The following TAF4B variants were observed in gnomAD, a reference collection of about 807,000 sequenced individuals.
The protein encoded by TAF4B is TATA-box binding protein associated factor 4b.
TAF4B carries 38 observed loss-of-function variants against 86.4 expected under a neutral mutation model. That is an observed-to-expected ratio of 0.44 (90% CI 0.34 to 0.58). The LOEUF (loss-of-function observed/expected upper bound fraction) is 0.58. TAF4B is among the 20% of genes least tolerant of loss of function. TAF4B has a pLI of 0.02. For missense variants in TAF4B, 988 were observed against 1,027.6 expected (o/e 0.96, Z 0.53); for synonymous variants, 388 against 391.2 (o/e 0.99, Z 0.10).
chr18:26,234,760 A>G (rs1731472382), intron 1 of TAF4B, among the ~76,000 whole-genome samples: 1 of 152,220 alleles, frequency 6.6e-6, no homozygotes, highest in South Asian at 2.1e-4. Flanking sequence ...CTAGGAGAAA[A>G]GTAGCAGGGT....
At chr18:26,233,766 G>A (rs1192012893) in intron 1 of TAF4B, among the ~76,000 whole-genome samples, 1 of 152,160 alleles carries the variant, frequency 6.6e-6, no homozygotes, top group Non-Finnish European at 1.5e-5. Context: ...ATAAAGGTAT[G>A]AACACAGACC....
Position 26,256,196 on chromosome 18 carries a change from A to G in TAF4B, c.344-8974A>G, listed in dbSNP as rs865819591. 7.5e-5 allele frequency: 120 copies of G among 1,610,386 alleles called. No individual in the cohort carries two copies. The Admixed American group carries it at 9.8e-4, about 13-fold the overall frequency. On this transcript the variant is annotated intron_variant, in intron 1 of 14. Coordinates refer to ENST00000269142, the MANE Select transcript of TAF4B (RefSeq NM_005640.3). The stretch of plus-strand genomic sequence containing the variant: ...ATCTTTTCACAAGCAGGACACAGGC[A>G]TTGCAGATGTCTCCTGAAGGAGTCT...
chr18:26,273,716 A>C (rs2144562271), intron 3 of TAF4B, among the ~76,000 whole-genome samples: 1 of 152,286 alleles, frequency 6.6e-6, no homozygotes, highest in Admixed American at 6.5e-5. Context: ...TTTTACCCTC[A>C]GAACATTCTT....
intron 1 of TAF4B, among the ~76,000 whole-genome samples, chr18:26,257,842 CGTGTGTGTGTGTGTGTGT>C (rs57275139): frequency 1.9e-4 from 27 of 141,526 alleles, no homozygotes; most frequent in East Asian, 6.5e-4. Flanking sequence ...CCTCTGCGTG[CGTGTGTGTGTGTGTGTGT>C]GTGTGTGTGT....
intron 9 of TAF4B, among the ~76,000 whole-genome samples, chr18:26,301,881 T>G (rs895641486): frequency 6.6e-6 from 1 of 152,158 alleles, no homozygotes; most frequent in African/African-American, 2.4e-5. Flanking sequence ...AGCTGCTGGC[T>G]CTGTGGTTTC....
chr18:26,383,339 A>G (rs758300844), intron 14 of TAF4B, among the ~76,000 whole-genome samples: 2 of 152,208 alleles, frequency 1.3e-5, no homozygotes, highest in Non-Finnish European at 2.9e-5. Context: ...TAGGCAGAAG[A>G]TAATGGAAGT....
At position 26,376,104 on chromosome 18, in the gene TAF4B, A is replaced by C. The variant is rs564883575; in HGVS notation, c.2422-13741A>C. Among the ~76,000 whole-genome samples, 17 of 152,212 alleles carry C rather than the reference A, an allele frequency of 1.1e-4. No homozygotes were observed. In the East Asian group the frequency reaches 3.1e-3, roughly 28 times the overall value. On this transcript the variant is annotated intron_variant, in intron 14 of 14. Coordinates refer to ENST00000269142, the MANE Select transcript of TAF4B (RefSeq NM_005640.3). The stretch of plus-strand genomic sequence containing the variant: ...CCAGTACCACACTGTCTTGAGTACT[A>C]TAACTTTGTAGTAAGTTTTGAAATT...
intron 14 of TAF4B, among the ~76,000 whole-genome samples, chr18:26,369,568 T>C (rs930901288): frequency 6.6e-6 from 1 of 152,196 alleles, no homozygotes; most frequent in Non-Finnish European, 1.5e-5. Context: ...ATTCTTTTGC[T>C]TAGAAGATCA....
At chr18:26,244,464 T>G (rs575328846) in intron 1 of TAF4B, among the ~76,000 whole-genome samples, 1 of 152,194 alleles carries the variant, frequency 6.6e-6, no homozygotes, top group Non-Finnish European at 1.5e-5. Flanking sequence ...ATTTTCCAGG[T>G]ACTGTCTGTC....
intron 1 of TAF4B, among the ~76,000 whole-genome samples, chr18:26,239,728 A>C (rs570911124): frequency 2.0e-5 from 3 of 152,330 alleles, no homozygotes; most frequent in African/African-American, 7.2e-5. Context: ...TAGGTCTAAC[A>C]TTTAAGTCTT....
chr18:26,233,962 A>G (rs1300312884), intron 1 of TAF4B, among the ~76,000 whole-genome samples: 1 of 152,214 alleles, frequency 6.6e-6, no homozygotes, highest in Admixed American at 6.5e-5. Flanking sequence ...TTGGCCCTGT[A>G]AATAGGGATA....
At chr18:26,239,899 G>C (rs895410605) in intron 1 of TAF4B, among the ~76,000 whole-genome samples, 1 of 152,188 alleles carries the variant, frequency 6.6e-6, no homozygotes, top group Non-Finnish European at 1.5e-5. Flanking sequence ...GATGGTTGTA[G>C]ATGTGTGGTA....
Position 26,390,117 on chromosome 18 carries a change from A to T in TAF4B, c.*105A>T. On this transcript the variant is annotated 3_prime_UTR_variant, in exon 15 of 15. Transcript: ENST00000269142. ...CAATTTCTGGAAAATAATCACCAAC[A>T]TGAAAGAGCATTGTTTACAGTTAGA... 26 of 1,181,716 alleles carry T rather than the reference A, an allele frequency of 2.2e-5. No individual in the cohort carries two copies. Among genetic ancestry groups the T allele is most frequent in the Non-Finnish European group, 3.1e-5 (26 of 843,952 alleles). 73.2% of individuals were successfully genotyped at this position (1,181,716 alleles called of 1,614,324 possible).
chr18:26,367,666 C>T (rs1264328931), intron 14 of TAF4B, among the ~76,000 whole-genome samples: 1 of 152,174 alleles, frequency 6.6e-6, no homozygotes, highest in Non-Finnish European at 1.5e-5. Context: ...TTAGCCCAGT[C>T]AAGTTGGCAC....
Position 26,242,420 on chromosome 18 carries a change from C to T in TAF4B, c.343+15144C>T, listed in dbSNP as rs191638563. 4.9e-3 allele frequency among the ~76,000 whole-genome samples: 742 copies of T among 151,776 alleles called. 9 individuals are homozygous for T. The highest frequency in any genetic ancestry group is 0.017 in the African/African-American group (701 of 41,428). ...TAGGATTGCAACCCTTGCCTTTTTT[C>T]GTTTTCCATTTGCTTGGTAGATCTT... is the stretch of plus-strand genomic sequence containing the variant. On this transcript the variant is annotated intron_variant, in intron 1 of 14. Transcript: ENST00000269142.
intron 1 of TAF4B, among the ~76,000 whole-genome samples, chr18:26,251,311 A>G (rs1345789072): frequency 3.3e-5 from 5 of 152,200 alleles, no homozygotes; most frequent in African/African-American, 9.6e-5. Flanking sequence ...CATTCTGTAT[A>G]TGTATTAAAT....
intron 1 of TAF4B, among the ~76,000 whole-genome samples, chr18:26,235,479 A>G (rs189585510): frequency 6.6e-6 from 1 of 152,328 alleles, no homozygotes; most frequent in East Asian, 1.9e-4. Flanking sequence ...GATTAGCTAG[A>G]AAGTTCAAGA....
At position 26,227,090 on chromosome 18, in the gene TAF4B, T is replaced by C. The variant is rs2055588158; in HGVS notation, c.157T>C (p.Cys53Arg). 3.1e-6 allele frequency: 5 copies of C among 1,609,686 alleles called. No individual in the cohort carries two copies. In the South Asian group the frequency reaches 5.5e-5, roughly 18 times the overall value. The change falls in exon 1 of 15, where the codon TGC becomes CGC. Residue 53 changes from cysteine (C) to arginine (R), a missense_variant. By Grantham distance (180) the Cys-to-Arg change is radical. Transcript: ENST00000269142. ...GAVTKAPVSVCVEPTASQPLR... is the reference protein window; with the variant it reads ...GAVTKAPVSVRVEPTASQPLR... Reference sequence around the variant, plus strand: ...CGTGACTAAGGCTCCTGTCAGCGTCTGCGTGGAGCCCACGGCGTCCCAGCC... The same window carrying C: ...CGTGACTAAGGCTCCTGTCAGCGTCCGCGTGGAGCCCACGGCGTCCCAGCC...
Position 26,226,706 on chromosome 18 carries a change from C to T in TAF4B, c.-228C>T. 2.5e-6 allele frequency: 1 copy of T among 401,908 alleles called. No individual in the cohort carries two copies. Among genetic ancestry groups the T allele is most frequent in the Non-Finnish European group, 4.4e-6 (1 of 229,616 alleles). The allele number at this position is 401,908 out of a possible 1,614,324, so 24.9% of individuals were successfully genotyped here. A position where few individuals can be genotyped will look rare whatever the true frequency, so the allele number is the denominator to read the frequency against. On this transcript the variant is annotated 5_prime_UTR_variant, in exon 1 of 15. Transcript: ENST00000269142. ...AAGCTGCGAGAGGTCGGGCGGGTGT[C>T]GCTCCGGGGGCAGCCCAGGCTCGCG...
Sources: gnomAD v4.1 joint callset for allele counts (sites outside exome capture counted in the v4.1 genomes callset) on GRCh38, gnomAD v4.1.1 for gene constraint, MANE v1.5 for transcripts, NCBI Gene and HGNC (gene_info 2026-07-23, HGNC 2026-07-21) for gene names.